The following PACRG variants were observed in gnomAD, a reference collection of about 807,000 sequenced individuals.
PACRG encodes the protein parkin coregulated.
PACRG carries 29 observed loss-of-function variants against 29.7 expected under a neutral mutation model. That is an observed-to-expected ratio of 0.98 (90% CI 0.73 to 1.33). The LOEUF (loss-of-function observed/expected upper bound fraction) is 1.33. PACRG is among the 40% of genes most tolerant of loss of function. PACRG has a pLI of 0.00. For synonymous variants in PACRG, 116 were observed against 118.7 expected (o/e 0.98, Z 0.15); for missense variants, 279 against 316.2 (o/e 0.88, Z 0.89).
chr6:163,059,665 C>T (rs1290330461), intron 2 of PACRG, among the ~76,000 whole-genome samples: 1 of 152,170 alleles, frequency 6.6e-6, no homozygotes, highest in Non-Finnish European at 1.5e-5. Flanking sequence ...AATTCCAGCA[C>T]TGACTAGCTG....
At chr6:163,143,443 A>G (rs1777636615) in intron 4 of PACRG, among the ~76,000 whole-genome samples, 1 of 152,164 alleles carries the variant, frequency 6.6e-6, no homozygotes, top group Non-Finnish European at 1.5e-5. Context: ...ATGAATTAAT[A>G]TTATTATTCC....
intron 4 of PACRG, chr6:163,191,454 G>T (rs1486250948): frequency 5.8e-6 from 2 of 346,966 alleles, no homozygotes; most frequent in African/African-American, 4.3e-5. Flanking sequence ...TGCTATGGCC[G>T]CTTTCTGCAC....
At chr6:163,095,266 A>T (rs1814466752) in intron 4 of PACRG, 1 of 985,138 alleles carries the variant, frequency 1.0e-6, no homozygotes, top group African/African-American at 1.7e-5. Flanking sequence ...ATCCACTTAT[A>T]AAAAGCATCA....
intron 3 of PACRG, among the ~76,000 whole-genome samples, chr6:163,067,163 G>A (rs945982913): frequency 6.6e-6 from 1 of 152,194 alleles, no homozygotes; most frequent in Non-Finnish European, 1.5e-5. Context: ...CCAAGCTTCA[G>A]TATGCATCCG....
At chr6:163,261,615 C>T (rs1485863788) in intron 4 of PACRG, among the ~76,000 whole-genome samples, 3 of 152,236 alleles carry the variant, frequency 2.0e-5, no homozygotes, top group Non-Finnish European at 2.9e-5. Context: ...GCAGGACACT[C>T]GGCCCTGCTG....
chr6:163,020,891 T>C (rs896337448), intron 2 of PACRG, among the ~76,000 whole-genome samples: 2 of 152,144 alleles, frequency 1.3e-5, no homozygotes, highest in Non-Finnish European at 2.9e-5. Context: ...ATGTCTACAA[T>C]TAACTCTTGC....
intron 2 of PACRG, among the ~76,000 whole-genome samples, chr6:162,819,673 A>G (rs1787671388): frequency 6.6e-6 from 1 of 152,154 alleles, no homozygotes; most frequent in South Asian, 2.1e-4. Flanking sequence ...GCCCAGGGAT[A>G]TTTGTTGAAT....
At chr6:163,221,596 A>G (rs749589499) in intron 4 of PACRG, among the ~76,000 whole-genome samples, 53 of 152,270 alleles carry the variant, frequency 3.5e-4, no homozygotes, top group Non-Finnish European at 2.5e-4. Flanking sequence ...ATTTGCAGCC[A>G]AGGGAACTAT....
intron 4 of PACRG, among the ~76,000 whole-genome samples, chr6:163,167,009 A>T (rs186960889): frequency 2.6e-5 from 4 of 152,254 alleles, no homozygotes; most frequent in Non-Finnish European, 2.9e-5. Context: ...CTTTTCCAAC[A>T]GTTGAAATTA....
intron 2 of PACRG, among the ~76,000 whole-genome samples, chr6:162,947,611 CATATATATATATATATAT>C (rs1170513962): frequency 7.1e-5 from 2 of 27,990 alleles, no homozygotes; most frequent in East Asian, 8.4e-4. Flanking sequence ...TATATATAAT[CATATATATATATATATAT>C]ATATATATAT....
In PACRG at chr6:162,887,875, G is replaced by A. The variant is rs12201334; in HGVS notation, c.291+73594G>A. On this transcript the variant is annotated intron_variant, in intron 2 of 4. Transcript: ENST00000366888. ...GGGTGAGGCTCAGTCCTCAGTCTTG[G>A]TGACTGTCTTTGTCTGCTTGTGCTG... 9.5e-4 allele frequency among the ~76,000 whole-genome samples: 144 copies of A among 152,094 alleles called. 1 individual carries two copies. Among genetic ancestry groups the A allele is most frequent in the Non-Finnish European group, 1.8e-3 (125 of 68,028 alleles).
intron 2 of PACRG, among the ~76,000 whole-genome samples, chr6:162,846,879 TCCACACTGACCACTGTGCTCC>T (rs1343520528): frequency 6.9e-6 from 1 of 145,942 alleles, no homozygotes; most frequent in Non-Finnish European, 1.5e-5. Flanking sequence ...ACCGCTGCTC[TCCACACTGACCACTGTGCTCC>T]CCACACTGTC....
intron 2 of PACRG, among the ~76,000 whole-genome samples, chr6:163,060,363 A>C (rs1810991666): frequency 6.6e-6 from 1 of 152,194 alleles, no homozygotes; most frequent in South Asian, 2.1e-4. Flanking sequence ...CCATAAAAAC[A>C]TTGGGCCTTT....
intron 4 of PACRG, among the ~76,000 whole-genome samples, chr6:163,286,239 A>G (rs967814144): frequency 1.3e-5 from 2 of 152,208 alleles, no homozygotes; most frequent in African/African-American, 2.4e-5. Flanking sequence ...ATGGAAAGTA[A>G]AACTGGCGTG....
chr6:163,238,358 C>T (rs527645971), intron 4 of PACRG, among the ~76,000 whole-genome samples: 2 of 152,180 alleles, frequency 1.3e-5, no homozygotes, highest in Non-Finnish European at 2.9e-5. Context: ...CCAATTGATT[C>T]CAGAACTCAT....
intron 2 of PACRG, among the ~76,000 whole-genome samples, chr6:163,049,133 T>C (rs371506268): frequency 6.6e-6 from 1 of 152,016 alleles, no homozygotes; most frequent in African/African-American, 2.4e-5. Flanking sequence ...ATTTAAACAG[T>C]CGTGATAATC....
chr6:163,126,960 G>C (rs1277770632), intron 4 of PACRG, among the ~76,000 whole-genome samples: 3 of 152,186 alleles, frequency 2.0e-5, no homozygotes, highest in Non-Finnish European at 1.5e-5. Flanking sequence ...AAGTGCTCTT[G>C]AGCCCCTCCC....
intron 2 of PACRG, among the ~76,000 whole-genome samples, chr6:163,010,777 G>A (rs1805537336): frequency 6.6e-6 from 1 of 152,168 alleles, no homozygotes; most frequent in Non-Finnish European, 1.5e-5. Context: ...GAGACCCCAG[G>A]GAATGACACG....
At chr6:162,933,987 G>C (rs1302674805) in intron 2 of PACRG, among the ~76,000 whole-genome samples, 1 of 152,114 alleles carries the variant, frequency 6.6e-6, no homozygotes, top group Non-Finnish European at 1.5e-5. Flanking sequence ...CTCACAACTG[G>C]GCGCGGTGGC....
Sources: allele counts gnomAD v4.1 joint callset (sites outside exome capture counted in the v4.1 genomes callset), GRCh38; gene constraint gnomAD v4.1.1; transcripts MANE v1.5; gene names NCBI Gene and HGNC (gene_info 2026-07-23, HGNC 2026-07-21).